Variants in SNTG1 observed in about 807,000 individuals in gnomAD.
SNTG1 encodes syntrophin gamma 1.
A neutral mutation model predicts 74.7 loss-of-function variants in SNTG1; 39 were observed. The ratio of observed to expected loss-of-function variants is 0.52; its 90% CI spans 0.40 to 0.68. SNTG1 has a LOEUF of 0.68. Among genes scored for constraint, SNTG1 ranks in the 30% least tolerant of loss-of-function variants. The pLI is 0.00. For synonymous variants in SNTG1, 254 were observed against 217.1 expected, an observed-to-expected ratio of 1.17 and a Z score of -1.49; for missense variants, 685 against 609.5, an observed-to-expected ratio of 1.12 and a Z score of -1.30.
chr8:50,660,706 T>TA (rs36097679), intron 15 of SNTG1, among the ~76,000 whole-genome samples: 3 of 152,230 alleles, frequency 2.0e-5, no homozygotes, highest in South Asian at 4.1e-4. Flanking sequence ...TCCTCTCTTT[T>TA]AAAAAAAGCT....
intron 2 of SNTG1, among the ~76,000 whole-genome samples, chr8:50,338,116 A>G (rs1000769378): frequency 1.9e-4 from 29 of 152,208 alleles, no homozygotes; most frequent in African/African-American, 6.7e-4. Flanking sequence ...ACTGGGCGAC[A>G]GAGCAAGACT....
intron 2 of SNTG1, among the ~76,000 whole-genome samples, chr8:50,190,088 C>G (rs1283711708): frequency 3.3e-5 from 5 of 152,094 alleles, no homozygotes; most frequent in African/African-American, 9.7e-5. Flanking sequence ...CAAGCATGTA[C>G]TGAATACCTG....
intron 13 of SNTG1, among the ~76,000 whole-genome samples, chr8:50,652,625 C>T (rs191800221): frequency 6.4e-4 from 98 of 152,066 alleles, no homozygotes; most frequent in African/African-American, 2.0e-3. Context: ...GGTGAAAACC[C>T]GCCTCTAGTA....
chr8:50,162,578 GA>G (rs1188032481), intron 1 of SNTG1, among the ~76,000 whole-genome samples: 15 of 136,336 alleles, frequency 1.1e-4, no homozygotes, highest in Non-Finnish European at 2.1e-4. Context: ...AAAAAAAAAA[GA>G]AAAAAAAAGA....
chr8:50,133,024 G>A (rs2081364304), intron 1 of SNTG1, among the ~76,000 whole-genome samples: 1 of 152,102 alleles, frequency 6.6e-6, no homozygotes, highest in African/African-American at 2.4e-5. Flanking sequence ...ATATCAACAA[G>A]TACTGATTCC....
chr8:50,781,071 G>A (rs2095657985), intron 18 of SNTG1, among the ~76,000 whole-genome samples: 1 of 152,182 alleles, frequency 6.6e-6, no homozygotes, highest in Admixed American at 6.5e-5. Flanking sequence ...CTGAGAGACA[G>A]TTTGTTATCA....
rs149174178 is a variant in SNTG1, at chr8:49,960,294, G to A, written c.-103+48063G>A. On this transcript the variant is annotated intron_variant, in intron 1 of 18. Coordinates refer to ENST00000642720, the MANE Select transcript of SNTG1 (RefSeq NM_018967.5). ...CAAATATCTATTGAGCATAAATAAT[G>A]CTGTTAACATTGAATATTTTGGAAT... Among the ~76,000 whole-genome samples, 564 of 152,246 alleles carry A rather than the reference G, an allele frequency of 3.7e-3. 7 individuals are homozygous for A. The highest frequency in any genetic ancestry group is 0.011 in the African/African-American group (467 of 41,542).
At chr8:50,536,642 G>GA (rs781712851) in intron 10 of SNTG1, 36 bp from the exon 11 acceptor site, 9 of 1,603,492 alleles carry the variant, frequency 5.6e-6, no homozygotes, top group African/African-American at 2.7e-5. Flanking sequence ...AAGCACAGAA[G>GA]AAAAAAATTA....
Position 50,219,963 on chromosome 8 carries a change from G to T in SNTG1, c.-28+47328G>T, listed in dbSNP as rs144025039. On this transcript the variant is annotated intron_variant, in intron 2 of 18. Transcript: ENST00000642720. The stretch of plus-strand genomic sequence containing the variant: ...ACATGAAAGTTTAATTCACCAGGAG[G>T]GGAGAACAATCCTAAACTTACCTAA... Among the ~76,000 whole-genome samples the T allele has an allele frequency of 8.1e-3, 1,234 of 152,176 alleles. 20 individuals carry two copies. Among genetic ancestry groups the T allele is most frequent in the African/African-American group, 0.029 (1,186 of 41,504 alleles).
chr8:50,404,129 T>C (rs2092840085), intron 4 of SNTG1, among the ~76,000 whole-genome samples: 1 of 152,084 alleles, frequency 6.6e-6, no homozygotes, highest in African/African-American at 2.4e-5. Context: ...ATTGTGTTTC[T>C]AAAACTACCT....
chr8:50,466,458 C>T (rs1466049025), intron 8 of SNTG1, among the ~76,000 whole-genome samples: 2 of 151,950 alleles, frequency 1.3e-5, no homozygotes, highest in East Asian at 3.9e-4. Flanking sequence ...AATTGTAAGT[C>T]TTCAAATTGG....
intron 1 of SNTG1, among the ~76,000 whole-genome samples, chr8:50,036,548 G>C (rs1818182640): frequency 6.6e-6 from 1 of 152,074 alleles, no homozygotes; most frequent in Admixed American, 6.6e-5. Flanking sequence ...CTGTTTTCTT[G>C]TTCATCTCCT....
chr8:50,035,966 A>G (rs572510469), intron 1 of SNTG1, among the ~76,000 whole-genome samples: 2 of 152,238 alleles, frequency 1.3e-5, no homozygotes, highest in South Asian at 4.1e-4. Context: ...ATCATGTGAG[A>G]AAAAAAGCAA....
intron 1 of SNTG1, among the ~76,000 whole-genome samples, chr8:50,073,561 G>T (rs981894503): frequency 7.2e-5 from 11 of 152,096 alleles, no homozygotes; most frequent in Non-Finnish European, 2.9e-5. Flanking sequence ...CATTTGGAAT[G>T]ATGCATTTTT....
intron 18 of SNTG1, among the ~76,000 whole-genome samples, chr8:50,763,605 G>A (rs1387172539): frequency 6.7e-6 from 1 of 149,868 alleles, no homozygotes; most frequent in East Asian, 2.0e-4. Context: ...GCCAGGTAGT[G>A]TGGTGTCTCC....
At chr8:50,238,852 C>T (rs1218699792) in intron 2 of SNTG1, among the ~76,000 whole-genome samples, 1 of 151,976 alleles carries the variant, frequency 6.6e-6, no homozygotes, top group East Asian at 1.9e-4. Context: ...AGACACTTCC[C>T]AAAAGAAGAA....
intron 9 of SNTG1, among the ~76,000 whole-genome samples, chr8:50,510,266 C>T (rs1412724140): frequency 6.6e-6 from 1 of 152,072 alleles, no homozygotes; most frequent in East Asian, 1.9e-4. Flanking sequence ...GGATGAAGCC[C>T]ACTTGATCAT....
intron 12 of SNTG1, among the ~76,000 whole-genome samples, chr8:50,554,212 C>T (rs1271724395): frequency 1.3e-5 from 2 of 152,138 alleles, no homozygotes; most frequent in African/African-American, 4.8e-5. Context: ...CAGTCTATGG[C>T]TATTTCAAAC....
intron 2 of SNTG1, among the ~76,000 whole-genome samples, chr8:50,386,283 T>G (rs966199248): frequency 4.6e-5 from 7 of 152,090 alleles, no homozygotes; most frequent in African/African-American, 1.4e-4. Context: ...TTCTGATTGG[T>G]GGACCACAGT....
Sources: gnomAD v4.1 joint callset for allele counts (sites outside exome capture counted in the v4.1 genomes callset) on GRCh38, gnomAD v4.1.1 for gene constraint, MANE v1.5 for transcripts, NCBI Gene and HGNC (gene_info 2026-07-23, HGNC 2026-07-21) for gene names.